EPHA6: variants seen among roughly 807,000 people sequenced by gnomAD.
The protein encoded by EPHA6 is EPH receptor A6.
A neutral mutation model predicts 112.0 loss-of-function variants in EPHA6; 50 were observed. The ratio of observed to expected loss-of-function variants is 0.45; its 90% CI spans 0.36 to 0.56. The LOEUF is 0.56. Ranked by LOEUF, EPHA6 falls within the 20% of genes least tolerant of loss-of-function variation. The pLI, the probability that EPHA6 is intolerant of heterozygous loss-of-function variation, is 0.00. For synonymous variants in EPHA6, 529 were observed against 490.7 expected (o/e 1.08, Z -1.03); for missense variants, 1,280 against 1,417.4 (o/e 0.90, Z 1.56).
chr3:97,135,767 C>G (rs888319731), intron 3 of EPHA6, among the ~76,000 whole-genome samples: 2 of 149,654 alleles, frequency 1.3e-5, no homozygotes, highest in Non-Finnish European at 3.0e-5. Context: ...CCAAAAAAGG[C>G]CCACAGATTT....
chr3:97,138,959 G>A (rs1476141264), intron 3 of EPHA6, among the ~76,000 whole-genome samples: 1 of 152,188 alleles, frequency 6.6e-6, no homozygotes, highest in Non-Finnish European at 1.5e-5. Context: ...CACCTGATAT[G>A]CTGAAAACTC....
At chr3:96,816,253 TAC>T (rs906905344) in intron 1 of EPHA6, among the ~76,000 whole-genome samples, 1 of 152,228 alleles carries the variant, frequency 6.6e-6, no homozygotes, top group African/African-American at 2.4e-5. Flanking sequence ...TCCTAATTAT[TAC>T]AGTTATTTTA....
At chr3:97,111,687 T>C (rs2047728799) in intron 3 of EPHA6, among the ~76,000 whole-genome samples, 1 of 152,304 alleles carries the variant, frequency 6.6e-6, no homozygotes, top group African/African-American at 2.4e-5. Context: ...TTGGATTTTT[T>C]TCATTTTTGT....
intron 3 of EPHA6, among the ~76,000 whole-genome samples, chr3:97,191,222 C>T (rs944426705): frequency 6.6e-6 from 1 of 151,960 alleles, no homozygotes; most frequent in Non-Finnish European, 1.5e-5. Context: ...TTTTGGGGTG[C>T]ATGAGATATT....
In EPHA6 at chr3:97,760,335, GAT is replaced by G. The variant is rs777338477; in HGVS notation, c.*11649_*11650del. Reference sequence around the variant, plus strand: ...TTGTGCTTGGTGCTTTGTTTCTGGAGATATATATATATATATTATATATATGT... The same window carrying G: ...TTGTGCTTGGTGCTTTGTTTCTGGAGATATATATATATATTATATATATGT... On this transcript the variant is annotated 3_prime_UTR_variant, in exon 18 of 18. Transcript: ENST00000389672. 0.014 allele frequency: 2,197 copies of G among 156,510 alleles called. 35 individuals are homozygous for G. The highest frequency in any genetic ancestry group is 0.046 in the African/African-American group (1,828 of 39,534). 9.7% of individuals were successfully genotyped at this position (156,510 alleles called of 1,614,324 possible).
chr3:97,634,380 T>A (rs1309355911), intron 13 of EPHA6, among the ~76,000 whole-genome samples: 2 of 149,496 alleles, frequency 1.3e-5, no homozygotes, highest in African/African-American at 4.9e-5. Context: ...AGCTTTTTTC[T>A]TTTCGTCAAG....
Position 97,750,714 on chromosome 3 carries a change from T to A in EPHA6, c.*2013T>A, listed in dbSNP as rs957701852. Among the ~76,000 whole-genome samples, 1 of 152,166 alleles carries A rather than the reference T, an allele frequency of 6.6e-6. No individual in the cohort carries two copies. The highest frequency in any genetic ancestry group is 1.5e-5 in the Non-Finnish European group (1 of 68,038). ...CCATTATACTAGACCCTTCTACATA[T>A]TTTCTTTTGCTGACTTGTCTCCTGA... is the stretch of plus-strand genomic sequence containing the variant. On this transcript the variant is annotated 3_prime_UTR_variant, in exon 18 of 18. Coordinates refer to ENST00000389672, the MANE Select transcript of EPHA6 (RefSeq NM_001080448.3).
intron 16 of EPHA6, chr3:97,745,526 C>T (rs2035675814): frequency 6.1e-6 from 2 of 330,362 alleles, no homozygotes; most frequent in Non-Finnish European, 1.2e-5. Context: ...GTATGGATAA[C>T]CAGACCCAAT....
At chr3:96,818,445 C>T (rs917642065) in intron 1 of EPHA6, among the ~76,000 whole-genome samples, 30 of 151,946 alleles carry the variant, frequency 2.0e-4, no homozygotes, top group East Asian at 3.9e-4. Flanking sequence ...CTTTGTGAAT[C>T]GATTTTCCCC....
chr3:97,365,909 G>A (rs1460732958), intron 5 of EPHA6, among the ~76,000 whole-genome samples: 1 of 152,122 alleles, frequency 6.6e-6, no homozygotes, highest in Non-Finnish European at 1.5e-5. Flanking sequence ...TGCTTTGCAA[G>A]ATGAAAAAGA....
At position 96,987,916 on chromosome 3, in the gene EPHA6, C is replaced by G. The variant is rs1392459641; in HGVS notation, c.1037C>G (p.Ala346Gly). Residue 346 changes from alanine to glycine, a missense_variant, in exon 3 of 18, where the codon GCT becomes GGT. Around this residue, in one of 4 missense-constraint regions of EPHA6, gnomAD observed 878 missense variants for 999.7 expected, o/e 0.88. Coordinates refer to ENST00000389672, the MANE Select transcript of EPHA6 (RefSeq NM_001080448.3). Reference protein sequence around the residue: ...ERDTPKLYCGADGDWLVPLGR... With the variant: ...ERDTPKLYCGGDGDWLVPLGR... ...GACACTCCTAAACTGTATTGTGGAG[C>G]TGATGGAGATTGGCTGGTTCCTCTT... The G allele has an allele frequency of 1.2e-6, 2 of 1,613,322 alleles. No individual in the cohort carries two copies. The highest frequency in any genetic ancestry group is 1.7e-6 in the Non-Finnish European group (2 of 1,179,512).
chr3:97,268,953 T>A (rs2079788713), intron 5 of EPHA6, among the ~76,000 whole-genome samples: 1 of 152,220 alleles, frequency 6.6e-6, no homozygotes, highest in Non-Finnish European at 1.5e-5. Flanking sequence ...AATTGAACTC[T>A]TGAGTTTCTA....
intron 3 of EPHA6, among the ~76,000 whole-genome samples, chr3:97,045,825 T>A (rs1386311921): frequency 2.6e-5 from 4 of 152,078 alleles, no homozygotes; most frequent in Non-Finnish European, 5.9e-5. Flanking sequence ...TATGTAGGTA[T>A]GTGGGTACAT....
intron 3 of EPHA6, among the ~76,000 whole-genome samples, chr3:97,218,829 G>A (rs1313920198): frequency 4.6e-5 from 7 of 152,114 alleles, no homozygotes; most frequent in Admixed American, 6.6e-5. Context: ...CTGAGAAAAG[G>A]CAAGTCCCTT....
rs149449063 is a variant in EPHA6, at chr3:97,247,110, G to A, written c.1606+2823G>A. 7.9e-5 allele frequency among the ~76,000 whole-genome samples: 12 copies of A among 152,094 alleles called. 1 individual carries two copies. Among genetic ancestry groups the A allele is most frequent in the Non-Finnish European group, 1.5e-4 (10 of 67,890 alleles). ...ATAATTTCCCATCACTCCACTTGGAGTATCTTTGGGAATTCTCTTTTAACT... is the reference window on the plus strand; with the variant it reads ...ATAATTTCCCATCACTCCACTTGGAATATCTTTGGGAATTCTCTTTTAACT... On this transcript the variant is annotated intron_variant, in intron 5 of 17. Coordinates refer to ENST00000389672, the MANE Select transcript of EPHA6 (RefSeq NM_001080448.3).
At chr3:97,630,598 C>T (rs560039169) in intron 13 of EPHA6, among the ~76,000 whole-genome samples, 5 of 151,982 alleles carry the variant, frequency 3.3e-5, no homozygotes, top group Non-Finnish European at 5.9e-5. Flanking sequence ...TTGTTCAGAA[C>T]TTAAAATGCA....
intron 3 of EPHA6, among the ~76,000 whole-genome samples, chr3:97,156,769 T>C (rs1017037293): frequency 6.6e-6 from 1 of 152,170 alleles, no homozygotes; most frequent in Non-Finnish European, 1.5e-5. Flanking sequence ...TTAATGTCAG[T>C]TTAATATTTT....
At chr3:96,922,217 G>A (rs2039803242) in intron 2 of EPHA6, among the ~76,000 whole-genome samples, 1 of 152,156 alleles carries the variant, frequency 6.6e-6, no homozygotes, top group African/African-American at 2.4e-5. Flanking sequence ...CAGTTGATGA[G>A]AGACAGCATT....
At chr3:97,614,186 T>C (rs1272794261) in intron 13 of EPHA6, among the ~76,000 whole-genome samples, 1 of 152,062 alleles carries the variant, frequency 6.6e-6, no homozygotes, top group African/African-American at 2.4e-5. Flanking sequence ...ATGCCACATG[T>C]CAACCACAAA....
Sources: gnomAD v4.1 joint callset for allele counts (sites outside exome capture counted in the v4.1 genomes callset) on GRCh38, gnomAD v4.1.1 for gene constraint, gnomAD v4.1.1 regional missense constraint, MANE v1.5 for transcripts, NCBI Gene and HGNC (gene_info 2026-07-23, HGNC 2026-07-21) for gene names.